ARHGAP42: variants seen among roughly 807,000 people sequenced by gnomAD.
ARHGAP42 encodes Rho GTPase activating protein 42.
In ARHGAP42, 63 loss-of-function variants were observed where a neutral mutation model predicts 125.0. That is an observed-to-expected ratio of 0.50 (90% CI 0.41 to 0.62). ARHGAP42 has a LOEUF of 0.62. Among genes scored for constraint, ARHGAP42 ranks in the 20% least tolerant of loss-of-function variants. The pLI is 0.00. For missense variants in ARHGAP42, 766 were observed against 1,024.2 expected (o/e 0.75, Z 3.44); for synonymous variants, 339 against 351.0 (o/e 0.97, Z 0.38).
At chr11:100,729,742 G>A (rs559577308) in intron 1 of ARHGAP42, among the ~76,000 whole-genome samples, 55 of 151,778 alleles carry the variant, frequency 3.6e-4, no homozygotes, top group African/African-American at 1.3e-3. Context: ...TCTCTTTTCC[G>A]GATGACTAGT....
chr11:100,861,865 C>T (rs1433327891), intron 4 of ARHGAP42, among the ~76,000 whole-genome samples: 1 of 152,042 alleles, frequency 6.6e-6, no homozygotes, highest in African/African-American at 2.4e-5. Flanking sequence ...CTTCTAGGTG[C>T]TTATTAAAAT....
Position 100,992,431 on chromosome 11 carries a change from G to T in ARHGAP42, c.*3630G>T. 6.2e-7 allele frequency: 1 copy of T among 1,614,046 alleles called. No individual in the cohort carries two copies. The highest frequency in any genetic ancestry group is 8.5e-7 in the Non-Finnish European group (1 of 1,179,960). On this transcript the variant is annotated 3_prime_UTR_variant, in exon 24 of 24. Coordinates refer to ENST00000298815, the MANE Select transcript of ARHGAP42 (RefSeq NM_152432.4). ...CCTTGACTAAAGGTTTCCCCTTAGG[G>T]TACACATTGCTATTTAACTTTGCCT...
At chr11:100,895,580 A>G (rs1866332475) in intron 4 of ARHGAP42, among the ~76,000 whole-genome samples, 1 of 151,248 alleles carries the variant, frequency 6.6e-6, no homozygotes, top group Non-Finnish European at 1.5e-5. Context: ...CTGCAGTACA[A>G]GTTCAGACCA....
intron 1 of ARHGAP42, among the ~76,000 whole-genome samples, chr11:100,731,032 A>C (rs1861948491): frequency 6.6e-6 from 1 of 152,178 alleles, no homozygotes; most frequent in African/African-American, 2.4e-5. Flanking sequence ...ATATGATGGC[A>C]GTCATTCAGG....
intron 1 of ARHGAP42, among the ~76,000 whole-genome samples, chr11:100,690,217 A>T (rs1332920675): frequency 1.3e-5 from 2 of 152,174 alleles, no homozygotes; most frequent in Non-Finnish European, 2.9e-5. Context: ...AGACTATTTC[A>T]ATAGATGTAT....
At chr11:100,733,037 A>C (rs1268230607) in intron 1 of ARHGAP42, among the ~76,000 whole-genome samples, 1 of 152,218 alleles carries the variant, frequency 6.6e-6, no homozygotes, top group Non-Finnish European at 1.5e-5. Context: ...CCACAAATCC[A>C]GTGTAACACT....
chr11:100,874,145 G>A (rs1260792550), intron 4 of ARHGAP42, among the ~76,000 whole-genome samples: 4 of 152,140 alleles, frequency 2.6e-5, no homozygotes, highest in Non-Finnish European at 5.9e-5. Context: ...TCATACATAC[G>A]GATGTTCAGA....
intron 3 of ARHGAP42, among the ~76,000 whole-genome samples, chr11:100,809,734 C>A (rs1036917629): frequency 1.3e-5 from 2 of 152,118 alleles, no homozygotes; most frequent in Non-Finnish European, 2.9e-5. Context: ...GTGGGTGGAT[C>A]GCATGAGCCC....
chr11:100,941,593 C>T (rs1348035405), intron 8 of ARHGAP42, among the ~76,000 whole-genome samples, 191 bp from the exon 9 acceptor site: 2 of 82,132 alleles, frequency 2.4e-5, no homozygotes, highest in Non-Finnish European at 4.8e-5. Flanking sequence ...AGCAGAGCCA[C>T]GTTGTCTGAT....
intron 8 of ARHGAP42, among the ~76,000 whole-genome samples, chr11:100,941,489 A>G (rs911019363): frequency 1.3e-5 from 2 of 152,132 alleles, no homozygotes; most frequent in East Asian, 1.9e-4. Flanking sequence ...TCCTACCTCT[A>G]TGGAGTACAA....
Position 100,980,559 on chromosome 11 carries a change from C to CTT in ARHGAP42, c.2456+1539_2456+1540dup, listed in dbSNP as rs763302463. 3.1e-3 allele frequency among the ~76,000 whole-genome samples: 162 copies of CTT among 51,920 alleles called. 11 individuals are homozygous for CTT. The highest frequency in any genetic ancestry group is 7.7e-3 in the South Asian group (7 of 904). The allele number at this position is 51,920 out of a possible 152,430, so 34.1% of individuals were successfully genotyped here. ...TCAAATCATACTTCTTTTTCTTCTT[C>CTT]TTTTTTTTTTTTTTTTTTTTTTTTT... On this transcript the variant is annotated intron_variant, in intron 22 of 23. Transcript: ENST00000298815.
intron 8 of ARHGAP42, among the ~76,000 whole-genome samples, chr11:100,940,533 C>T (rs1331711496): frequency 6.6e-6 from 1 of 152,056 alleles, no homozygotes; most frequent in African/African-American, 2.4e-5. Context: ...CTGATAAATT[C>T]CCTAAGGAGA....
At chr11:100,851,350 G>A (rs1369521387) in intron 3 of ARHGAP42, among the ~76,000 whole-genome samples, 1 of 152,136 alleles carries the variant, frequency 6.6e-6, no homozygotes, top group African/African-American at 2.4e-5. Context: ...TAACATTTCA[G>A]TCAGCAATGA....
chr11:100,895,374 T>C (rs1866325786), intron 4 of ARHGAP42, among the ~76,000 whole-genome samples: 1 of 152,154 alleles, frequency 6.6e-6, no homozygotes, highest in African/African-American at 2.4e-5. Context: ...TCTGTATTTC[T>C]CTCTCTCCCA....
intron 1 of ARHGAP42, among the ~76,000 whole-genome samples, chr11:100,727,658 G>T (rs569887956): frequency 6.6e-6 from 1 of 152,302 alleles, no homozygotes; most frequent in South Asian, 2.1e-4. Flanking sequence ...GCACATCCAC[G>T]TGCTGGGAGG....
At chr11:100,871,400 G>A (rs1383996599) in intron 4 of ARHGAP42, among the ~76,000 whole-genome samples, 1 of 151,718 alleles carries the variant, frequency 6.6e-6, no homozygotes, top group South Asian at 2.1e-4. Flanking sequence ...ACAAAAATTA[G>A]CCAGGCATCG....
chr11:100,942,880 AC>A (rs1289226309), intron 9 of ARHGAP42, among the ~76,000 whole-genome samples: 2 of 152,156 alleles, frequency 1.3e-5, no homozygotes, highest in Admixed American at 1.3e-4. Context: ...TCTAATAGTT[AC>A]TACTGTAAAT....
At position 100,988,995 on chromosome 11, in the gene ARHGAP42, G is replaced by A; in HGVS notation, c.*194G>A. Reference sequence around the variant, plus strand: ...TTTAAATTGTTGGCCATTCTTTTTTGGTTGGTTTCTTATTTTAAAATATCT... The same window carrying A: ...TTTAAATTGTTGGCCATTCTTTTTTAGTTGGTTTCTTATTTTAAAATATCT... On this transcript the variant is annotated 3_prime_UTR_variant, in exon 24 of 24. Transcript: ENST00000298815. The A allele has an allele frequency of 2.1e-6, 1 of 487,634 alleles. No individual in the cohort carries two copies. The highest frequency in any genetic ancestry group is 3.7e-6 in the Non-Finnish European group (1 of 273,482). The allele number at this position is 487,634 out of a possible 1,614,324, so 30.2% of individuals were successfully genotyped here. A position where few individuals can be genotyped will look rare whatever the true frequency, so the allele number is the denominator to read the frequency against.
In ARHGAP42 at chr11:100,913,434, G is replaced by A; in HGVS notation, c.385-18G>A. 8.5e-7 allele frequency: 1 copy of A among 1,175,390 alleles called. No homozygotes were observed. Among genetic ancestry groups the A allele is most frequent in the East Asian group, 6.4e-5 (1 of 15,558 alleles). 72.8% of individuals were successfully genotyped at this position (1,175,390 alleles called of 1,614,324 possible). The stretch of plus-strand genomic sequence containing the variant: ...TGCTCTGAGTTAAATATTTTTTGTT[G>A]TTATTGCTCTCCTTTAGGATGGAAA... On this transcript the variant is annotated intron_variant, in intron 4 of 23. Transcript: ENST00000298815.
Sources: allele counts gnomAD v4.1 joint callset (sites outside exome capture counted in the v4.1 genomes callset), GRCh38; gene constraint gnomAD v4.1.1; transcripts MANE v1.5; gene names NCBI Gene and HGNC (gene_info 2026-07-23, HGNC 2026-07-21).